Variants in CHLSN observed in about 807,000 individuals in gnomAD.
The protein encoded by CHLSN is protein cholesin.
At chr7:1,080,468 C>T in the CHLSN span, among the ~76,000 whole-genome samples, 46 of 152,288 alleles carry the variant, frequency 3.0e-4, no homozygotes, top group East Asian at 5.0e-3. Context: ...ACCCGCGTGA[C>T]GGTCCGGGGA....
chr7:986,538 C>G, the CHLSN span: 1 of 1,511,268 alleles, frequency 6.6e-7, no homozygotes, highest in Non-Finnish European at 9.1e-7. Context: ...TGGGCGTGAA[C>G]ACAGCCGCTG....
At chr7:1,083,285 G>A in the CHLSN span, among the ~76,000 whole-genome samples, 2 of 152,240 alleles carry the variant, frequency 1.3e-5, no homozygotes, top group Admixed American at 1.3e-4. Context: ...GGGCCAGATG[G>A]TCTCTGAGTG....
the CHLSN span, among the ~76,000 whole-genome samples, chr7:1,050,951 C>T: frequency 2.0e-5 from 3 of 152,240 alleles, no homozygotes; most frequent in South Asian, 2.1e-4. Flanking sequence ...CTGGAGATGG[C>T]GGCCATGCCG....
chr7:1,092,515 G>A, the CHLSN span: 2 of 1,608,046 alleles, frequency 1.2e-6, no homozygotes, highest in East Asian at 2.2e-5. Context: ...CATGATCCTC[G>A]CGGTGGTGCT....
chr7:983,497 G>A, the CHLSN span: 1 of 1,121,396 alleles, frequency 8.9e-7, no homozygotes, highest in Non-Finnish European at 1.2e-6. Flanking sequence ...ATGGTGCCGG[G>A]CCCAGCGGGG....
At chr7:1,036,295 G>T in the CHLSN span, among the ~76,000 whole-genome samples, 30 of 152,062 alleles carry the variant, frequency 2.0e-4, no homozygotes, top group African/African-American at 7.0e-4. Context: ...TAGGGTTCGG[G>T]TGCTCGTGCT....
chr7:1,068,255 A>G, the CHLSN span, among the ~76,000 whole-genome samples: 1 of 152,016 alleles, frequency 6.6e-6, no homozygotes, highest in East Asian at 1.9e-4. Context: ...TGCTCACGCC[A>G]CACCCCTGGC....
chr7:1,098,084 C>A, the CHLSN span, among the ~76,000 whole-genome samples: 1 of 148,926 alleles, frequency 6.7e-6, no homozygotes, highest in Non-Finnish European at 1.5e-5. Context: ...GATAAAAGTG[C>A]TGCCTCAAAG....
the CHLSN span, chr7:1,091,431 C>T: frequency 1.1e-5 from 4 of 378,454 alleles, no homozygotes; most frequent in South Asian, 5.5e-5. Flanking sequence ...AGCAGCTCCA[C>T]GCGGGACTGT....
the CHLSN span, among the ~76,000 whole-genome samples, chr7:1,016,356 C>CGCACAGCAGCACACGCCAGCACACAGCA: frequency 3.1e-4 from 24 of 78,458 alleles, no homozygotes; most frequent in Non-Finnish European, 4.9e-4. Flanking sequence ...CGCACGCCAG[C>CGCACAGCAGCACACGCCAGCACACAGCA]GCACAGCAGC....
the CHLSN span, among the ~76,000 whole-genome samples, chr7:1,050,307 G>T: frequency 6.6e-6 from 1 of 152,240 alleles, no homozygotes; most frequent in South Asian, 2.1e-4. Context: ...ATCAGGAACA[G>T]AACAGATCCC....
chr7:979,637 A>G, the CHLSN span, among the ~76,000 whole-genome samples: 2 of 151,986 alleles, frequency 1.3e-5, no homozygotes, highest in African/African-American at 4.8e-5. Context: ...CTGTAGTCCC[A>G]GCTACTCGGG....
chr7:985,186 C>A, the CHLSN span: 1 of 1,571,850 alleles, frequency 6.4e-7, no homozygotes, highest in South Asian at 1.2e-5. Flanking sequence ...CCCGCTGGCC[C>A]TACTGGGCTG....
At chr7:1,109,719 CCCT>C in the CHLSN span, among the ~76,000 whole-genome samples, 1 of 151,978 alleles carries the variant, frequency 6.6e-6, no homozygotes, top group African/African-American at 2.4e-5. Flanking sequence ...CCCCGCCGGG[CCCT>C]CCCCACTCAC....
At chr7:1,128,729 C>T in the CHLSN span, among the ~76,000 whole-genome samples, 1 of 29,922 alleles carries the variant, frequency 3.3e-5, no homozygotes, top group Non-Finnish European at 5.6e-5. Context: ...TCGGCTCATC[C>T]CACCCTGTCA....
At chr7:1,020,600 G>A in the CHLSN span, among the ~76,000 whole-genome samples, 67 of 152,336 alleles carry the variant, frequency 4.4e-4, no homozygotes, top group African/African-American at 1.5e-3. Flanking sequence ...GTCTCACACA[G>A]CTAAGACCAA....
the CHLSN span, chr7:985,235 G>A: frequency 5.2e-3 from 8,134 of 1,552,964 alleles, 335 homozygotes; most frequent in African/African-American, 0.092. Flanking sequence ...CTCTTCGGCC[G>A]CCGATTTGAC....
chr7:1,017,090 G>A, the CHLSN span, among the ~76,000 whole-genome samples: 4 of 152,194 alleles, frequency 2.6e-5, no homozygotes, highest in Non-Finnish European at 5.9e-5. Context: ...CGGAGAGCCC[G>A]GACCACTCGG....
chr7:1,130,014 C>T, the CHLSN span, among the ~76,000 whole-genome samples: 3 of 152,144 alleles, frequency 2.0e-5, no homozygotes, highest in Non-Finnish European at 4.4e-5. Flanking sequence ...CTGCGGGCAC[C>T]GGTCCTGCCC....
Sources: allele counts gnomAD v4.1 joint callset (sites outside exome capture counted in the v4.1 genomes callset), GRCh38; gene constraint gnomAD v4.1.1; transcripts MANE v1.5; gene names NCBI Gene and HGNC (gene_info 2026-07-23, HGNC 2026-07-21).